The following LRRC37A2 variants were observed in gnomAD, a reference collection of about 807,000 sequenced individuals.
LRRC37A2 encodes leucine rich repeat containing 37 member A2, also known as leucine-rich repeat-containing protein 37A2.
Under a neutral mutation model 68.8 loss-of-function variants are expected in LRRC37A2, and 9 were observed. The ratio of observed to expected loss-of-function variants is 0.13; its 90% confidence interval spans 0.08 to 0.23. LRRC37A2 has a LOEUF of 0.23. Ranked by LOEUF, LRRC37A2 falls within the 10% of genes least tolerant of loss-of-function variation. LRRC37A2 has a pLI of 1.00. For synonymous variants in LRRC37A2, 63 were observed against 367.6 expected (o/e 0.17, Z 9.48); for missense variants, 168 against 950.4 (o/e 0.18, Z 10.82).
At chr17:46,823,190 A>C in the LRRC37A2 span, among the ~76,000 whole-genome samples, 1 of 126,796 alleles carries the variant, frequency 7.9e-6, no homozygotes, top group Admixed American at 9.1e-5. Context: ...ATAATATATT[A>C]TATATATTTA....
At chr17:46,764,435 T>C in the LRRC37A2 span, 1 of 152,168 alleles carries the variant, frequency 6.6e-6, no homozygotes, top group Non-Finnish European at 1.5e-5. Flanking sequence ...GGGTGAGAAA[T>C]GTAAGATGAG....
the LRRC37A2 span, among the ~76,000 whole-genome samples, chr17:47,010,294 G>A: frequency 2.0e-5 from 3 of 152,298 alleles, no homozygotes; most frequent in African/African-American, 2.4e-5. Context: ...CAAATGTAGC[G>A]ACTGGTGCAC....
chr17:46,964,377 G>C, the LRRC37A2 span: 1 of 152,242 alleles, frequency 6.6e-6, no homozygotes, highest in South Asian at 2.1e-4. Context: ...TGATGGAGGT[G>C]ATCTGAGATG....
chr17:46,938,941 G>T, the LRRC37A2 span: 10 of 1,496,466 alleles, frequency 6.7e-6, no homozygotes, highest in African/African-American at 4.2e-5. Flanking sequence ...CATCTTGGAG[G>T]GGGAGCTAGT....
chr17:46,714,896 T>C, the LRRC37A2 span, among the ~76,000 whole-genome samples: 10 of 152,254 alleles, frequency 6.6e-5, no homozygotes, highest in South Asian at 4.1e-4. Flanking sequence ...TGCTCCCTAG[T>C]AAAGACAGCT....
At chr17:46,976,179 G>GGGGCAGC in the LRRC37A2 span, among the ~76,000 whole-genome samples, 2 of 151,482 alleles carry the variant, frequency 1.3e-5, no homozygotes, top group African/African-American at 4.9e-5. Context: ...GCCCGCCTCG[G>GGGGCAGC]CCTCCCAAAG....
At chr17:47,001,655 T>A in the LRRC37A2 span, among the ~76,000 whole-genome samples, 1 of 151,850 alleles carries the variant, frequency 6.6e-6, no homozygotes, top group African/African-American at 2.4e-5. Context: ...CTTCCTGCCC[T>A]TTCTACTTCC....
At chr17:46,678,980 A>C in the LRRC37A2 span, among the ~76,000 whole-genome samples, 2 of 151,302 alleles carry the variant, frequency 1.3e-5, no homozygotes, top group Non-Finnish European at 2.9e-5. Flanking sequence ...AGCTATATAC[A>C]GTTGTGAATC....
At chr17:47,003,354 A>T in the LRRC37A2 span, among the ~76,000 whole-genome samples, 1 of 151,960 alleles carries the variant, frequency 6.6e-6, no homozygotes, top group South Asian at 2.1e-4. Context: ...ACTAGCTGCG[A>T]GTACAGCCAG....
chr17:46,518,615 A>G (rs1304030470), intron 3 of LRRC37A2, among the ~76,000 whole-genome samples: 1 of 78,784 alleles, frequency 1.3e-5, no homozygotes, highest in Non-Finnish European at 2.5e-5. Context: ...GTTATGGATG[A>G]ATAAAAGGGA....
the LRRC37A2 span, among the ~76,000 whole-genome samples, chr17:46,957,234 G>A: frequency 6.6e-6 from 1 of 152,216 alleles, no homozygotes. Flanking sequence ...GAGCCCAGGA[G>A]GTGGAGGTTG....
the LRRC37A2 span, among the ~76,000 whole-genome samples, chr17:46,852,233 G>T: frequency 6.6e-6 from 1 of 152,164 alleles, no homozygotes; most frequent in Non-Finnish European, 1.5e-5. Flanking sequence ...CGGGGCAGAG[G>T]ATCGTGCGCG....
the LRRC37A2 span, among the ~76,000 whole-genome samples, chr17:47,000,529 C>T: frequency 4.6e-5 from 7 of 152,142 alleles, no homozygotes; most frequent in Admixed American, 2.0e-4. Flanking sequence ...CCACCGTGCC[C>T]GGCCCACGAT....
the LRRC37A2 span, among the ~76,000 whole-genome samples, chr17:47,022,167 TC>T: frequency 6.1e-3 from 82 of 13,340 alleles, 16 homozygotes; most frequent in South Asian, 0.26. Flanking sequence ...CTTTTTGTTC[TC>T]TTTTTTTTTT....
chr17:46,739,208 T>G, the LRRC37A2 span, among the ~76,000 whole-genome samples: 9 of 151,746 alleles, frequency 5.9e-5, no homozygotes, highest in African/African-American at 2.2e-4. Flanking sequence ...CCGCCTCTAC[T>G]AAAAATACAA....
chr17:46,863,789 C>T, the LRRC37A2 span, among the ~76,000 whole-genome samples: 1 of 152,160 alleles, frequency 6.6e-6, no homozygotes, highest in Non-Finnish European at 1.5e-5. Context: ...CTTTCTCCAG[C>T]CCTGGCTGGC....
the LRRC37A2 span, among the ~76,000 whole-genome samples, chr17:46,994,897 G>C: frequency 1.3e-5 from 2 of 152,142 alleles, no homozygotes; most frequent in Non-Finnish European, 2.9e-5. Flanking sequence ...CAAAGTGGGT[G>C]GATTGCTTGA....
the LRRC37A2 span, among the ~76,000 whole-genome samples, chr17:46,807,156 C>A: frequency 6.6e-6 from 1 of 152,294 alleles, no homozygotes; most frequent in Non-Finnish European, 1.5e-5. Context: ...AAGACAAGAC[C>A]TTTGTAGACT....
At chr17:46,495,597 C>T in the LRRC37A2 span, among the ~76,000 whole-genome samples, 1 of 150,706 alleles carries the variant, frequency 6.6e-6, no homozygotes, top group Non-Finnish European at 1.5e-5. Flanking sequence ...GTTGGCCAGG[C>T]TGGTCTCGAA....
Sources: allele counts gnomAD v4.1 joint callset (sites outside exome capture counted in the v4.1 genomes callset), GRCh38; gene constraint gnomAD v4.1.1; transcripts MANE v1.5; gene names NCBI Gene and HGNC (gene_info 2026-07-23, HGNC 2026-07-21).